FMO5: variants seen among roughly 807,000 people sequenced by gnomAD.
FMO5 encodes the protein flavin containing dimethylaniline monoxygenase 5.
FMO5 carries 51 observed loss-of-function variants against 43.6 expected under a neutral mutation model. The ratio of observed to expected loss-of-function variants is 1.17; its 90% CI spans 0.93 to 1.48. FMO5 has a LOEUF of 1.48. Among genes scored for constraint, FMO5 ranks in the 40% most tolerant of loss-of-function variants. The pLI is 0.00. For missense variants in FMO5, 644 were observed against 643.0 expected, an observed-to-expected ratio of 1.00 and a Z score of -0.02; for synonymous variants, 187 against 216.5, an observed-to-expected ratio of 0.86 and a Z score of 1.20.
intron 8 of FMO5, among the ~76,000 whole-genome samples, chr1:147,188,391 A>G (rs1412610560): frequency 6.6e-6 from 1 of 151,718 alleles, no homozygotes; most frequent in African/African-American, 2.4e-5. Context: ...GGGCGTTGTT[A>G]GTATGCCTGT....
At chr1:147,196,353 G>T (rs1657997012) in intron 7 of FMO5, among the ~76,000 whole-genome samples, 1 of 151,922 alleles carries the variant, frequency 6.6e-6, no homozygotes, top group Non-Finnish European at 1.5e-5. Context: ...GGTCTCTTCG[G>T]ATACTCAAAA....
At chr1:147,202,844 CA>C in intron 6 of FMO5, among the ~76,000 whole-genome samples, 1 of 152,120 alleles carries the variant, frequency 6.6e-6, no homozygotes, top group Non-Finnish European at 1.5e-5. Context: ...TATAGTTGCC[CA>C]ACCCACAAAA....
chr1:147,184,374 A>G, downstream of FMO5: 1 of 1,104,308 alleles, frequency 9.1e-7, no homozygotes, highest in South Asian at 2.8e-5. This position sits in a 1 kb window ranked among gnomAD's most constrained non-coding sequence, Gnocchi z 4.4. Context: ...CAACTAATAA[A>G]CCAATATTGA....
At chr1:147,211,179 T>A (rs1318128281) in intron 5 of FMO5, 1 of 152,166 alleles carries the variant, frequency 6.6e-6, no homozygotes, top group East Asian at 1.9e-4. Flanking sequence ...CACACAGAAA[T>A]GCTTTGTTAT....
chr1:147,198,759 T>G (rs186639616), intron 7 of FMO5, among the ~76,000 whole-genome samples: 11 of 141,326 alleles, frequency 7.8e-5, no homozygotes, highest in African/African-American at 5.3e-5. Context: ...GCTGAGGCAG[T>G]AGAATGGCCT....
At chr1:147,216,013 C>T in intron 2 of FMO5, 71 bp from the exon 3 acceptor site, 1 of 1,210,552 alleles carries the variant, frequency 8.3e-7, no homozygotes, top group Non-Finnish European at 1.2e-6. Context: ...CAATAGACAT[C>T]TGAAAAAGTT....
At chr1:147,197,480 T>C (rs1011854167) in intron 7 of FMO5, among the ~76,000 whole-genome samples, 1 of 152,134 alleles carries the variant, frequency 6.6e-6, no homozygotes, top group Non-Finnish European at 1.5e-5. Context: ...AATCCCCATG[T>C]GTCATGGGAG....
chr1:147,185,175 AT>A (rs11336263), downstream of FMO5, among the ~76,000 whole-genome samples: 43,347 of 151,080 alleles, frequency 0.29, 6,345 homozygotes, highest in African/African-American at 0.37. Context: ...TTAACCATTG[AT>A]TTTTTTTTGT....
At chr1:147,197,617 A>G (rs1658234254) in intron 7 of FMO5, among the ~76,000 whole-genome samples, 1 of 151,900 alleles carries the variant, frequency 6.6e-6, no homozygotes. Flanking sequence ...TTCACTCAGC[A>G]CTCATTCTCT....
intron 6 of FMO5, among the ~76,000 whole-genome samples, chr1:147,203,089 T>C (rs1366434119): frequency 6.7e-6 from 1 of 148,770 alleles, no homozygotes; most frequent in Admixed American, 6.9e-5. Flanking sequence ...ATTCCATACT[T>C]TTTATTTAGT....
intron 2 of FMO5, among the ~76,000 whole-genome samples, chr1:147,216,581 T>C (rs1553925112): frequency 1.3e-5 from 2 of 152,142 alleles, no homozygotes; most frequent in East Asian, 1.9e-4. Flanking sequence ...TTTAAAAAAA[T>C]ATTCAGCATC....
intron 2 of FMO5, among the ~76,000 whole-genome samples, chr1:147,216,750 C>T (rs1206062306): frequency 6.6e-6 from 1 of 152,100 alleles, no homozygotes; most frequent in African/African-American, 2.4e-5. Flanking sequence ...CTGGGGCTTC[C>T]CTTGAGAGAT....
intron 5 of FMO5, chr1:147,209,966 C>T (rs1206637295): frequency 6.6e-6 from 1 of 152,178 alleles, no homozygotes; most frequent in Admixed American, 6.5e-5. Flanking sequence ...AATGTGTTTT[C>T]TCAAGGATAG....
Position 147,203,535 on chromosome 1 carries a change from T to A in FMO5, c.831-2031A>T. On this transcript the variant is annotated intron_variant, in intron 6 of 8. Coordinates refer to ENST00000254090, the MANE Select transcript of FMO5 (RefSeq NM_001461.4). ...GTACTGCATAAAGTTTAGAGATTAC[T>A]TCATTGGCCTTAACTCCAGAGTTTT... The A allele has an allele frequency of 3.3e-6, 3 of 912,438 alleles. No homozygotes were observed. The African/African-American group carries it at 4.8e-5, about 15-fold the overall frequency. The allele number at this position is 912,438 out of a possible 1,614,324, so 56.5% of individuals were successfully genotyped here.
At chr1:147,193,634 G>A (rs1203250469) in intron 7 of FMO5, among the ~76,000 whole-genome samples, 1 of 152,046 alleles carries the variant, frequency 6.6e-6, no homozygotes, top group African/African-American at 2.4e-5. Flanking sequence ...GCTTTCTCTT[G>A]TGGGCATTTA....
chr1:147,224,887 G>A lies in FMO5; in HGVS notation c.135+8C>T, dbSNP rs1663753639. 11 of 1,613,314 alleles carry A rather than the reference G, an allele frequency of 6.8e-6. No homozygotes were observed. The highest frequency in any genetic ancestry group is 9.3e-6 in the Non-Finnish European group (11 of 1,179,298). ...TTCAAGTATTAAGGGACTAGGAGAT[G>A]TATGTACCTGGAACCTCCAGAGCCC... On this transcript the variant is annotated splice_region_variant and intron_variant, in intron 2 of 8. Coordinates refer to ENST00000254090, the MANE Select transcript of FMO5 (RefSeq NM_001461.4).
intron 6 of FMO5, chr1:147,203,944 A>G (rs1659501064): frequency 7.4e-7 from 1 of 1,343,868 alleles, no homozygotes; most frequent in Non-Finnish European, 1.1e-6. Flanking sequence ...GAAGAGCTGT[A>G]GCACCAACTG....
chr1:147,204,542 C>T lies in FMO5; in HGVS notation c.831-3038G>A. The T allele has an allele frequency of 1.9e-6, 3 of 1,579,202 alleles. No homozygotes were observed. The South Asian group carries it at 3.4e-5, about 18-fold the overall frequency. On this transcript the variant is annotated intron_variant, in intron 6 of 8. Coordinates refer to ENST00000254090, the MANE Select transcript of FMO5 (RefSeq NM_001461.4). ...GCTTTTCTGCAAGCTATTTCATAACCTTCTATGACCTCTGAAACTGACAGG... is the reference window on the plus strand; with the variant it reads ...GCTTTTCTGCAAGCTATTTCATAACTTTCTATGACCTCTGAAACTGACAGG...
At position 147,186,825 on chromosome 1, in the gene FMO5, G is replaced by C. The variant is rs1478927798; in HGVS notation, c.*75C>G. 5 of 1,523,570 alleles carry C rather than the reference G, an allele frequency of 3.3e-6. No individual in the cohort carries two copies. The East Asian group carries it at 9.1e-5, about 28-fold the overall frequency. The allele number at this position is 1,523,570 out of a possible 1,614,324, so 94.4% of individuals were successfully genotyped here. Reference sequence around the variant, plus strand: ...ATTTCTGGGCAATATGAAACTGAGAGTCAATCTCGTCAGATTCTGAAGGCA... The same window carrying C: ...ATTTCTGGGCAATATGAAACTGAGACTCAATCTCGTCAGATTCTGAAGGCA... On this transcript the variant is annotated 3_prime_UTR_variant, in exon 9 of 9. Transcript: ENST00000254090.
Sources: gnomAD v4.1 joint callset for allele counts (sites outside exome capture counted in the v4.1 genomes callset) on GRCh38, gnomAD v4.1.1 for gene constraint, Gnocchi (gnomAD v3.1) non-coding constraint, MANE v1.5 for transcripts, NCBI Gene and HGNC (gene_info 2026-07-23, HGNC 2026-07-21) for gene names.